The following APBA3 variants were observed in gnomAD, a reference collection of about 807,000 sequenced individuals.
APBA3 encodes the protein amyloid beta precursor protein binding family A member 3.
In APBA3, 45 loss-of-function variants were observed where a neutral mutation model predicts 55.9. The observed-to-expected ratio is 0.80, with a 90% CI of 0.63 to 1.03. The LOEUF is 1.03. APBA3 is among the 50% of genes least tolerant of loss of function. The probability of loss-of-function intolerance (pLI) is 0.00; values close to 1 mark genes in which losing one functional copy is unlikely to be tolerated. For synonymous variants in APBA3, 370 were observed against 353.3 expected, an observed-to-expected ratio of 1.05 and a Z score of -0.53; for missense variants, 865 against 820.3, an observed-to-expected ratio of 1.05 and a Z score of -0.67.
At position 3,759,883 on chromosome 19, in the gene APBA3, G is replaced by T. The variant is rs750679597; in HGVS notation, c.382C>A (p.Pro128Thr). ...CEECPPSQTG[P>T]EEPLEPAPRL... ...GGGGCAGGCTCTAGAGGCTCTTCAGGACCAGTCTGGGAAGGCGGGCATTCC... is the reference window on the plus strand; with the variant it reads ...GGGGCAGGCTCTAGAGGCTCTTCAGTACCAGTCTGGGAAGGCGGGCATTCC... Residue 128 changes from proline (P) to threonine (T), a missense_variant, in exon 2 of 11, where the codon CCT becomes ACT. Physicochemically the swap from Pro to Thr is conservative, Grantham distance 38. Transcript: ENST00000316757. 2 of 1,612,204 alleles carry T rather than the reference G, an allele frequency of 1.2e-6. No individual in the cohort carries two copies. Among genetic ancestry groups the T allele is most frequent in the Middle Eastern group, 1.7e-4 (1 of 6,054 alleles).
intron 8 of APBA3, 45 bp downstream of exon 8, chr19:3,752,463 C>G: frequency 6.6e-7 from 1 of 1,505,410 alleles, no homozygotes; most frequent in Non-Finnish European, 8.9e-7. Flanking sequence ...GGACTCAGCT[C>G]CCCTTCCTGG....
rs749859490 is a variant in APBA3, at chr19:3,752,659, C to G, written c.1244G>C (p.Gly415Ala). 7 of 1,590,064 alleles carry G rather than the reference C, an allele frequency of 4.4e-6. No individual in the cohort carries two copies. The African/African-American group carries it at 9.4e-5, about 21-fold the overall frequency. The part of the protein sequence containing the change: ...LGVALVESGW[G>A]SLLPTAVIAN... ...GATGACGGCTGTGGGCAGCAGGGAG[C>G]CCCAGCCCGACTCCACCAGGGCCAC... The change falls in exon 8 of 11, where the codon GGC becomes GCC. Residue 415 changes from glycine to alanine, a missense_variant. By Grantham distance (60) the Gly-to-Ala change is moderately conservative. Coordinates refer to ENST00000316757, the MANE Select transcript of APBA3 (RefSeq NM_004886.4).
rs112447021 is a variant in APBA3 at position 3,759,986 on chromosome 19, G to A, written c.279C>T (p.Ser93=). The change falls in exon 2 of 11, where the codon TCC becomes TCT. Residue 93 remains serine, a synonymous_variant. Transcript: ENST00000316757. ...GCCCGTGGGCATCAGCAATCTCCTGGGAGGCCAGGCCATGGCCTGTGGCAA... is the reference window on the plus strand; with the variant it reads ...GCCCGTGGGCATCAGCAATCTCCTGAGAGGCCAGGCCATGGCCTGTGGCAA... ...LHIATGHGLA[S]QEIADAHGLL... The A allele has an allele frequency of 1.2e-6, 2 of 1,610,748 alleles. No individual in the cohort carries two copies. The highest frequency in any genetic ancestry group is 3.4e-5 in the Admixed American group (2 of 59,084).
chr19:3,760,743 C>CT (rs1331983786), intron 1 of APBA3, among the ~76,000 whole-genome samples: 6 of 100,082 alleles, frequency 6.0e-5, no homozygotes, highest in Non-Finnish European at 1.3e-4. Context: ...ACGAGACTAT[C>CT]TCCAAAAAAA....
Position 3,753,807 on chromosome 19 carries a change from G to T in APBA3, c.969C>A (p.Arg323=). ...CGTGGCAGAGCATCTTGTAGAGGCG[G>T]CGGCCGTGGTCCTGGGGTGCCGGCC... ...ARRPAPQDHG[R]RLYKMLCHVF... is the part of the protein sequence containing the mutation. Residue 323 remains arginine, a synonymous_variant, in exon 6 of 11, where the codon CGC becomes CGA. Coordinates refer to ENST00000316757, the MANE Select transcript of APBA3 (RefSeq NM_004886.4). 2 of 1,572,658 alleles carry T rather than the reference G, an allele frequency of 1.3e-6. No homozygotes were observed. Among genetic ancestry groups the T allele is most frequent in the South Asian group, 2.3e-5 (2 of 86,572 alleles).
intron 8 of APBA3, 96 bp downstream of exon 8, chr19:3,752,411 TG>T: frequency 8.5e-7 from 1 of 1,182,380 alleles, no homozygotes; most frequent in Non-Finnish European, 1.2e-6. Flanking sequence ...TTGTCCCTCC[TG>T]GCTGGGCTGG....
In APBA3 at chr19:3,751,572, TG is replaced by T. The variant is rs770235603; in HGVS notation, c.1396-20del. 1.1e-5 allele frequency: 17 copies of T among 1,574,700 alleles called. 1 individual carries two copies. In the South Asian group the frequency reaches 1.9e-4, roughly 17 times the overall value. ...TCGTCTCCTGTGGGGCGGGGGCCGT[TG>T]GCCTCACTCAGCTGCCGGACAGCCT... On this transcript the variant is annotated intron_variant, in intron 8 of 10. Coordinates refer to ENST00000316757, the MANE Select transcript of APBA3 (RefSeq NM_004886.4).
Position 3,751,253 on chromosome 19 carries a change from C to A in APBA3, c.1592G>T (p.Gly531Val). 6.5e-7 allele frequency: 1 copy of A among 1,547,148 alleles called. No homozygotes were observed. The highest frequency in any genetic ancestry group is 8.7e-7 in the Non-Finnish European group (1 of 1,148,104). ...RVGHRIIEIN[G>V]QSVVATPHAR... Reference sequence around the variant, plus strand: ...GTGTGGCGTGGCCACCACACTCTGCCCATTGATCTCAATGATGCGGTGGCC... The same window carrying A: ...GTGTGGCGTGGCCACCACACTCTGCACATTGATCTCAATGATGCGGTGGCC... Residue 531 changes from glycine to valine, a missense_variant, in exon 10 of 11, where the codon GGG (glycine) becomes GTG (valine). Coordinates refer to ENST00000316757, the MANE Select transcript of APBA3 (RefSeq NM_004886.4).
At chr19:3,759,345 G>C (rs370700686) in intron 3 of APBA3, among the ~76,000 whole-genome samples, 3 of 152,238 alleles carry the variant, frequency 2.0e-5, no homozygotes, top group African/African-American at 7.2e-5. Context: ...ACCCAGTGCT[G>C]CCAATGGCCG....
chr19:3,755,850 A>G (rs947904304), intron 3 of APBA3: 2 of 151,908 alleles, frequency 1.3e-5, no homozygotes, highest in Non-Finnish European at 2.9e-5. Context: ...TGGTTCTAGA[A>G]TTCCCTGAGC....
chr19:3,757,038 C>A (rs1168715928), intron 3 of APBA3, among the ~76,000 whole-genome samples: 3 of 152,180 alleles, frequency 2.0e-5, no homozygotes, highest in Non-Finnish European at 4.4e-5. Context: ...CTAGGTGTCA[C>A]AGCTCTGCTC....
chr19:3,752,288 G>A (rs1414097785), intron 8 of APBA3, among the ~76,000 whole-genome samples: 3 of 151,992 alleles, frequency 2.0e-5, no homozygotes, highest in African/African-American at 4.8e-5. Flanking sequence ...TGGGCCACCC[G>A]CATTTCCATC....
intron 3 of APBA3, among the ~76,000 whole-genome samples, chr19:3,758,611 G>A (rs1248830058): frequency 1.3e-5 from 2 of 152,148 alleles, no homozygotes; most frequent in African/African-American, 2.4e-5. Flanking sequence ...CAGGCGTGGT[G>A]GCTCACGCTT....
At position 3,759,899 on chromosome 19, in the gene APBA3, C is replaced by T. The variant is rs748626016; in HGVS notation, c.366G>A (p.Pro122=). ...LLGLLHCEEC[P]PSQTGPEEPL... is the part of the protein sequence containing the mutation. ...GCTCTTCAGGACCAGTCTGGGAAGG[C>T]GGGCATTCCTCGCAGTGCAAGAGGC... Residue 122 remains proline, a synonymous_variant, in exon 2 of 11, where the codon CCG becomes CCA. Transcript: ENST00000316757. 6.8e-6 allele frequency: 11 copies of T among 1,611,696 alleles called. No individual in the cohort carries two copies. The highest frequency in any genetic ancestry group is 2.2e-5 in the South Asian group (2 of 91,000).
rs538690943 is a variant in APBA3 at position 3,752,738 on chromosome 19, C to T, written c.1183-18G>A. The stretch of plus-strand genomic sequence containing the variant: ...AGGTGCACCTGGGACACACAGGGGG[C>T]GCGGAGGCTGCTCAGCAGGGCCCGG... On this transcript the variant is annotated intron_variant, in intron 7 of 10. Coordinates refer to ENST00000316757, the MANE Select transcript of APBA3 (RefSeq NM_004886.4). 13 of 1,604,526 alleles carry T rather than the reference C, an allele frequency of 8.1e-6. No individual in the cohort carries two copies. The highest frequency in any genetic ancestry group is 1.7e-5 in the Admixed American group (1 of 59,448).
chr19:3,754,528 CT>C (rs2037053198), intron 3 of APBA3, 188 bp from the exon 4 acceptor site: 1 of 706,340 alleles, frequency 1.4e-6, no homozygotes. Flanking sequence ...GGTCTAGAAC[CT>C]TCTGTCCATC....
In APBA3 at chr19:3,759,575, G is replaced by C; in HGVS notation, c.602C>G (p.Pro201Arg). Residue 201 changes from proline to arginine, a missense_variant, in exon 3 of 11, where the codon CCT becomes CGT. Physicochemically the swap from Pro to Arg is moderately radical, Grantham distance 103. Coordinates refer to ENST00000316757, the MANE Select transcript of APBA3 (RefSeq NM_004886.4). The part of the protein sequence containing the change: ...AQSPETLASY[P>R]APQEVPGPCD... ...GGGACACTCACCCTCCTGGGGGGCA[G>C]GGTAGGAAGCCAGGGTCTCGGGGCT... 3.8e-6 allele frequency: 6 copies of C among 1,599,918 alleles called. No homozygotes were observed. Among genetic ancestry groups the C allele is most frequent in the Non-Finnish European group, 5.1e-6 (6 of 1,174,842 alleles).
chr19:3,753,762 C>A lies in APBA3; in HGVS notation c.1011+3G>T. On this transcript the variant is annotated splice_donor_region_variant and intron_variant, in intron 6 of 10. Transcript: ENST00000316757. Reference sequence around the variant, plus strand: ...AGGGTGGCCCCGCGCCCTGGCTGCTCACGTCCTCCGCGTAGAATACGTGGC... The same window carrying A: ...AGGGTGGCCCCGCGCCCTGGCTGCTAACGTCCTCCGCGTAGAATACGTGGC... 1 of 1,514,648 alleles carries A rather than the reference C, an allele frequency of 6.6e-7. No homozygotes were observed. Among genetic ancestry groups the A allele is most frequent in the South Asian group, 1.3e-5 (1 of 79,956 alleles). 93.8% of individuals were successfully genotyped at this position (1,514,648 alleles called of 1,614,324 possible).
intron 3 of APBA3, chr19:3,755,565 G>GGA (rs1568394276): frequency 7.6e-6 from 1 of 130,798 alleles, no homozygotes; most frequent in South Asian, 2.8e-4. Context: ...AGGCCGGGGG[G>GGA]GGGGGGTGGA....
Sources: allele counts gnomAD v4.1 joint callset (sites outside exome capture counted in the v4.1 genomes callset), GRCh38; gene constraint gnomAD v4.1.1; transcripts MANE v1.5; gene names NCBI Gene and HGNC (gene_info 2026-07-23, HGNC 2026-07-21).